ATXN10: variants seen among roughly 807,000 people sequenced by gnomAD.
The protein encoded by ATXN10 is ataxin-10.
A neutral mutation model predicts 52.9 loss-of-function variants in ATXN10; 28 were observed. That is an observed-to-expected ratio of 0.53 (90% CI 0.39 to 0.73). The LOEUF (loss-of-function observed/expected upper bound fraction) is 0.73, where lower values mean the gene tolerates loss of function less well. ATXN10 is among the 30% of genes least tolerant of loss of function. The pLI, the probability that ATXN10 is intolerant of heterozygous loss-of-function variation, is 0.00. For missense variants in ATXN10, 565 were observed against 577.0 expected (o/e 0.98, Z 0.21); for synonymous variants, 226 against 221.5 (o/e 1.02, Z -0.18).
rs1248937504 is a variant in ATXN10, at chr22:45,826,743, A to C, written c.1238-16248A>C. Reference sequence around the variant, plus strand: ...GGCATTCACAGACGAACAAAAGCTGATGGAGTTTGTTACCACTAGACCTGC... The same window carrying C: ...GGCATTCACAGACGAACAAAAGCTGCTGGAGTTTGTTACCACTAGACCTGC... On this transcript the variant is annotated intron_variant, in intron 10 of 11. Coordinates refer to ENST00000252934, the MANE Select transcript of ATXN10 (RefSeq NM_013236.4). The surrounding 1 kb of genome is among the most constrained non-coding windows in gnomAD (Gnocchi z 5.0). Among the ~76,000 whole-genome samples, 5 of 152,224 alleles carry C rather than the reference A, an allele frequency of 3.3e-5. No individual in the cohort carries two copies. The highest frequency in any genetic ancestry group is 5.9e-5 in the Non-Finnish European group (4 of 68,026).
Position 45,719,038 on chromosome 22 carries a change from C to A in ATXN10, c.728+545C>A, listed in dbSNP as rs1238406066. ...ATGTGACCTTGTTGGGATTCAGGTT[C>A]GTGTGTGTGTGTATTTTTTTTTTTT... On this transcript the variant is annotated intron_variant, in intron 6 of 11. Transcript: ENST00000252934. Among the ~76,000 whole-genome samples, 5 of 149,978 alleles carry A rather than the reference C, an allele frequency of 3.3e-5. No homozygotes were observed. The East Asian group carries it at 9.8e-4, about 29-fold the overall frequency.
chr22:45,700,743 A>T (rs1923811143), intron 4 of ATXN10, among the ~76,000 whole-genome samples: 1 of 152,226 alleles, frequency 6.6e-6, no homozygotes, highest in Non-Finnish European at 1.5e-5. Flanking sequence ...TTTATAAGAA[A>T]CACAATTAAA....
rs1433686564 is a variant in ATXN10, at chr22:45,672,018, C to T, written c.-46C>T. 3 of 1,526,704 alleles carry T rather than the reference C, an allele frequency of 2.0e-6. No homozygotes were observed. The highest frequency in any genetic ancestry group is 1.2e-5 in the South Asian group (1 of 83,256). The allele number at this position is 1,526,704 out of a possible 1,614,324, so 94.6% of individuals were successfully genotyped here. On this transcript the variant is annotated 5_prime_UTR_variant, in exon 1 of 12. Coordinates refer to ENST00000252934, the MANE Select transcript of ATXN10 (RefSeq NM_013236.4). The stretch of plus-strand genomic sequence containing the variant: ...CGTCATCCTCCCCCTTCGTCCTCCT[C>T]GCCTTCCTCCTCCTCGTCAGGCTCG...
At chr22:45,739,796 AAGAT>A (rs759350947) in intron 8 of ATXN10, among the ~76,000 whole-genome samples, 1 of 152,172 alleles carries the variant, frequency 6.6e-6, no homozygotes, top group Non-Finnish European at 1.5e-5. Flanking sequence ...CAGTTCCTGG[AAGAT>A]TGTCTGTTTT....
chr22:45,674,931 G>A (rs1353289153), intron 1 of ATXN10: 4 of 152,218 alleles, frequency 2.6e-5, no homozygotes, highest in Admixed American at 2.6e-4. Context: ...GCAGTGGGAA[G>A]AGCAGTGGCT....
intron 10 of ATXN10, among the ~76,000 whole-genome samples, chr22:45,808,002 G>C (rs1330081342): frequency 6.6e-6 from 1 of 152,206 alleles, no homozygotes; most frequent in Non-Finnish European, 1.5e-5. Flanking sequence ...CTTATTATTT[G>C]TGCTGAAGAT....
rs1325877763 is a variant in ATXN10 at position 45,759,278 on chromosome 22, G to C, written c.1173+18740G>C. 1.3e-5 allele frequency among the ~76,000 whole-genome samples: 2 copies of C among 152,180 alleles called. No individual in the cohort carries two copies. Among genetic ancestry groups the C allele is most frequent in the African/African-American group, 4.8e-5 (2 of 41,442 alleles). ...TGTAATCCCAACACTTTGGGAGGCTGAGGTGGGCGGATCACCTGAGGTCAG... is the reference window on the plus strand; with the variant it reads ...TGTAATCCCAACACTTTGGGAGGCTCAGGTGGGCGGATCACCTGAGGTCAG... On this transcript the variant is annotated intron_variant, in intron 9 of 11. Transcript: ENST00000252934. The surrounding 1 kb of genome is among the most constrained non-coding windows in gnomAD (Gnocchi z 5.4).
intron 10 of ATXN10, among the ~76,000 whole-genome samples, chr22:45,817,386 G>A (rs1391669307): frequency 1.4e-5 from 2 of 144,964 alleles, no homozygotes; most frequent in East Asian, 2.1e-4. Flanking sequence ...GTGCAATGGC[G>A]CGATCTCTGC....
chr22:45,788,206 T>C (rs1180705907), intron 9 of ATXN10, among the ~76,000 whole-genome samples: 2 of 152,148 alleles, frequency 1.3e-5, no homozygotes, highest in Non-Finnish European at 2.9e-5. Context: ...ACATTTTCAA[T>C]GTATAAGAGA....
chr22:45,703,980 C>T (rs1012391264), intron 5 of ATXN10: 15 of 152,188 alleles, frequency 9.9e-5, no homozygotes, highest in South Asian at 2.1e-4. Context: ...TCAGATTAGC[C>T]GCTGTTCAAG....
Position 45,843,012 on chromosome 22 carries a change from A to G in ATXN10, c.1259A>G (p.Tyr420Cys), listed in dbSNP as rs368034366. 25 of 1,614,082 alleles carry G rather than the reference A, an allele frequency of 1.5e-5. No homozygotes were observed. The highest frequency in any genetic ancestry group is 1.9e-5 in the Non-Finnish European group (22 of 1,180,034). ...SNPFLTQWVIYAIRNLTEDNS... is the reference protein window; with the variant it reads ...SNPFLTQWVICAIRNLTEDNS... ...CCAGTTCTGACCCAGTGGGTGATAT[A>G]TGCCATCCGAAACCTTACCGAAGAC... Residue 420 changes from tyrosine to cysteine, a missense_variant, in exon 11 of 12, where the codon TAT (tyrosine) becomes TGT (cysteine). By Grantham distance (194) the Tyr-to-Cys change is radical. Transcript: ENST00000252934. The surrounding 1 kb of genome is among the most constrained non-coding windows in gnomAD (Gnocchi z 4.5).
intron 1 of ATXN10, 135 bp from the exon 2 acceptor site, chr22:45,689,577 T>C: frequency 1.7e-6 from 1 of 601,586 alleles, no homozygotes; most frequent in Non-Finnish European, 2.9e-6. Flanking sequence ...TTATTTGGTG[T>C]TGTAAATTAA....
At chr22:45,764,841 C>T (rs1219763161) in intron 9 of ATXN10, among the ~76,000 whole-genome samples, 1 of 152,222 alleles carries the variant, frequency 6.6e-6, no homozygotes, top group African/African-American at 2.4e-5. Flanking sequence ...GCTAGGATGT[C>T]AGTGCTGTCT....
intron 10 of ATXN10, among the ~76,000 whole-genome samples, chr22:45,813,478 A>T (rs1246187277): frequency 1.4e-5 from 2 of 140,800 alleles, no homozygotes; most frequent in Non-Finnish European, 1.5e-5. Context: ...TAATGGAAAC[A>T]CCTAATTTGT....
chr22:45,773,497 C>T (rs1025615321), intron 9 of ATXN10, among the ~76,000 whole-genome samples: 2 of 151,806 alleles, frequency 1.3e-5, no homozygotes, highest in African/African-American at 4.9e-5. Context: ...CTCGCTCTGT[C>T]ACCCAGGCTG....
intron 5 of ATXN10, among the ~76,000 whole-genome samples, chr22:45,711,250 G>GAA (rs148335217): frequency 1.4e-5 from 2 of 147,448 alleles, no homozygotes; most frequent in African/African-American, 5.0e-5. Context: ...ATAGCAGAGT[G>GAA]AAAAAAAAAA....
chr22:45,835,349 G>A lies in ATXN10; in HGVS notation c.1238-7642G>A, dbSNP rs1482426215. 1.3e-5 allele frequency among the ~76,000 whole-genome samples: 2 copies of A among 152,208 alleles called. No individual in the cohort carries two copies. The highest frequency in any genetic ancestry group is 6.5e-5 in the Admixed American group (1 of 15,286). On this transcript the variant is annotated intron_variant, in intron 10 of 11. Coordinates refer to ENST00000252934, the MANE Select transcript of ATXN10 (RefSeq NM_013236.4). This position sits in a 1 kb window ranked among gnomAD's most constrained non-coding sequence, Gnocchi z 5.0. Reference sequence around the variant, plus strand: ...CCCAGCAAGGCCTGGACAGCGCACTGGTGCCACAGCCCTTCGCTCGGGCCC... The same window carrying A: ...CCCAGCAAGGCCTGGACAGCGCACTAGTGCCACAGCCCTTCGCTCGGGCCC...
At position 45,837,362 on chromosome 22, in the gene ATXN10, C is replaced by T. The variant is rs1379418905; in HGVS notation, c.1238-5629C>T. Among the ~76,000 whole-genome samples the T allele has an allele frequency of 2.6e-5, 4 of 152,096 alleles. No homozygotes were observed. Among genetic ancestry groups the T allele is most frequent in the East Asian group, 1.9e-4 (1 of 5,170 alleles). On this transcript the variant is annotated intron_variant, in intron 10 of 11. Coordinates refer to ENST00000252934, the MANE Select transcript of ATXN10 (RefSeq NM_013236.4). The surrounding 1 kb of genome is among the most constrained non-coding windows in gnomAD (Gnocchi z 5.8). ...GCAGCCTCTGCCTCCCGGGTTTAAG[C>T]GATTTCTCCTGCCTCAGCCTCCCGA... is the stretch of plus-strand genomic sequence containing the variant.
At chr22:45,776,883 A>G (rs760831904) in intron 9 of ATXN10, among the ~76,000 whole-genome samples, 2 of 152,176 alleles carry the variant, frequency 1.3e-5, no homozygotes, top group African/African-American at 4.8e-5. Context: ...AAGTTTCTTC[A>G]TGGAAGGATC....
Sources: gnomAD v4.1 joint callset for allele counts (sites outside exome capture counted in the v4.1 genomes callset) on GRCh38, gnomAD v4.1.1 for gene constraint, Gnocchi (gnomAD v3.1) non-coding constraint, MANE v1.5 for transcripts, NCBI Gene and HGNC (gene_info 2026-07-23, HGNC 2026-07-21) for gene names.